FAM135B: variants seen among roughly 807,000 people sequenced by gnomAD.
The protein encoded by FAM135B is protein FAM135B.
FAM135B carries 43 observed loss-of-function variants against 127.7 expected under a neutral mutation model. That is an observed-to-expected ratio of 0.34 (90% confidence interval 0.26 to 0.43). The LOEUF is 0.43. FAM135B is among the 20% of genes least tolerant of loss of function. The pLI is 1.00. For synonymous variants in FAM135B, 670 were observed against 665.1 expected (o/e 1.01, Z -0.11); for missense variants, 1,558 against 1,725.6 (o/e 0.90, Z 1.72).
chr8:138,400,410 T>C (rs1399826949), intron 1 of FAM135B, among the ~76,000 whole-genome samples: 3 of 152,202 alleles, frequency 2.0e-5, no homozygotes, highest in South Asian at 2.1e-4. Context: ...GACTGGGTGA[T>C]AGACTTGAAG....
chr8:138,141,422 CATCAGGGGCCATTGTT>C lies in FAM135B; in HGVS notation c.3639-89_3639-74del, dbSNP rs1350148419. 7 of 1,459,508 alleles carry C rather than the reference CATCAGGGGCCATTGTT, an allele frequency of 4.8e-6. No individual in the cohort carries two copies. In the Admixed American group the frequency reaches 1.0e-4, roughly 22 times the overall value. 90.4% of individuals were successfully genotyped at this position (1,459,508 alleles called of 1,614,324 possible). A position where few individuals can be genotyped will look rare whatever the true frequency, so the allele number is the denominator to read the frequency against. On this transcript the variant is annotated intron_variant, in intron 16 of 19. Coordinates refer to ENST00000395297, the MANE Select transcript of FAM135B (RefSeq NM_015912.4). This position sits in a 1 kb window ranked among gnomAD's most constrained non-coding sequence, Gnocchi z 4.7. ...CTGCCCAAGAGTGCAGTGCTGGAAG[CATCAGGGGCCATTGTT>C]CTCCACCTCCCACTGAATGTAGGGG...
chr8:138,292,059 A>G (rs1327401010), intron 3 of FAM135B, among the ~76,000 whole-genome samples: 3 of 152,172 alleles, frequency 2.0e-5, no homozygotes, highest in African/African-American at 7.2e-5. Flanking sequence ...ATGAATAAAA[A>G]AATTTAGTAA....
At chr8:138,491,836 C>T (rs1815213260) in intron 1 of FAM135B, among the ~76,000 whole-genome samples, 1 of 152,140 alleles carries the variant, frequency 6.6e-6, no homozygotes, top group Non-Finnish European at 1.5e-5. Context: ...GTAGGGACAC[C>T]CAGTGATTAC....
chr8:138,297,964 G>A (rs1166464840), intron 3 of FAM135B, among the ~76,000 whole-genome samples: 8 of 152,130 alleles, frequency 5.3e-5, no homozygotes, highest in Non-Finnish European at 8.8e-5. Flanking sequence ...GCACAGAAGG[G>A]AACAAACAAC....
At chr8:138,385,642 G>A (rs372983433) in intron 1 of FAM135B, among the ~76,000 whole-genome samples, 3 of 151,740 alleles carry the variant, frequency 2.0e-5, no homozygotes, top group African/African-American at 7.3e-5. Context: ...GAAACACTGT[G>A]TCTACTAAAA....
intron 12 of FAM135B, among the ~76,000 whole-genome samples, chr8:138,155,548 C>T (rs2130811739): frequency 6.6e-6 from 1 of 152,182 alleles, no homozygotes; most frequent in East Asian, 1.9e-4. Flanking sequence ...ATTCAGGAGA[C>T]CCATCTCATG....
chr8:138,310,946 G>T, intron 2 of FAM135B, 26 bp from the exon 3 acceptor site: 1 of 1,581,002 alleles, frequency 6.3e-7, no homozygotes, highest in Non-Finnish European at 8.6e-7. Flanking sequence ...AGGACAGGGT[G>T]CTGAAGATCA....
At chr8:138,290,505 G>A (rs1331945191) in intron 3 of FAM135B, among the ~76,000 whole-genome samples, 1 of 152,042 alleles carries the variant, frequency 6.6e-6, no homozygotes, top group Non-Finnish European at 1.5e-5. Flanking sequence ...TGTGTGTTTT[G>A]TTTGCTTGAA....
intron 3 of FAM135B, among the ~76,000 whole-genome samples, chr8:138,307,827 G>T (rs1467840886): frequency 2.6e-5 from 4 of 150,966 alleles, no homozygotes; most frequent in Non-Finnish European, 5.9e-5. Flanking sequence ...GAGTATCAAA[G>T]ACATCATTAA....
intron 7 of FAM135B, among the ~76,000 whole-genome samples, chr8:138,202,785 C>T (rs1306858699): frequency 6.0e-5 from 4 of 67,118 alleles, no homozygotes; most frequent in African/African-American, 2.8e-4. Flanking sequence ...TTGATGGCCT[C>T]GGTGAACGTG....
At chr8:138,246,375 T>C (rs1821288597) in intron 6 of FAM135B, among the ~76,000 whole-genome samples, 1 of 152,152 alleles carries the variant, frequency 6.6e-6, no homozygotes, top group Admixed American at 6.5e-5. Flanking sequence ...CAGGGCCCCC[T>C]TGCTGTGCAC....
intron 2 of FAM135B, among the ~76,000 whole-genome samples, chr8:138,357,627 A>G (rs764569289): frequency 1.2e-4 from 18 of 152,158 alleles, no homozygotes; most frequent in Non-Finnish European, 2.5e-4. Context: ...CTAAAGGAAT[A>G]CATTTAAAAC....
rs1262606160 is a variant in FAM135B, at chr8:138,242,593, C to G, written c.669+349G>C. On this transcript the variant is annotated intron_variant, in intron 7 of 19. Coordinates refer to ENST00000395297, the MANE Select transcript of FAM135B (RefSeq NM_015912.4). The surrounding 1 kb of genome is among the most constrained non-coding windows in gnomAD (Gnocchi z 9.6). ...GAGAGTGCACAAATGAAAGCGGGAG[C>G]CAGGTTTTGAAACCAGACATGGCCT... Among the ~76,000 whole-genome samples, 1 of 152,224 alleles carries G rather than the reference C, an allele frequency of 6.6e-6. No homozygotes were observed. The highest frequency in any genetic ancestry group is 2.4e-5 in the African/African-American group (1 of 41,532).
chr8:138,462,152 A>T (rs1049712246), intron 1 of FAM135B, among the ~76,000 whole-genome samples: 2 of 152,196 alleles, frequency 1.3e-5, no homozygotes, highest in Non-Finnish European at 2.9e-5. Context: ...TTGCATATCT[A>T]TGTAATATGT....
intron 1 of FAM135B, among the ~76,000 whole-genome samples, chr8:138,476,141 A>G (rs1024748102): frequency 3.3e-5 from 5 of 152,212 alleles, no homozygotes; most frequent in African/African-American, 9.6e-5. Flanking sequence ...GATTCTAACT[A>G]TATAATATTT....
intron 2 of FAM135B, among the ~76,000 whole-genome samples, chr8:138,352,563 C>T (rs1203845435): frequency 6.6e-6 from 1 of 152,184 alleles, no homozygotes; most frequent in Non-Finnish European, 1.5e-5. Flanking sequence ...CTTTCACTCT[C>T]CCTGACCCTC....
chr8:138,197,751 G>A (rs893594109), intron 7 of FAM135B, 82 bp from the exon 8 acceptor site: 21 of 1,443,082 alleles, frequency 1.5e-5, no homozygotes, highest in South Asian at 6.4e-5. Flanking sequence ...CCATCCACCC[G>A]CACCAACATT....
chr8:138,397,806 G>C (rs535489154), intron 1 of FAM135B, among the ~76,000 whole-genome samples: 1 of 151,988 alleles, frequency 6.6e-6, no homozygotes, highest in Non-Finnish European at 1.5e-5. Context: ...GCTCATGTTC[G>C]GGTCCTCCAG....
chr8:138,228,895 G>C (rs1402457620), intron 7 of FAM135B, among the ~76,000 whole-genome samples: 1 of 152,162 alleles, frequency 6.6e-6, no homozygotes, highest in East Asian at 1.9e-4. Context: ...TTCAGACTGG[G>C]GACAGAGAAG....
Sources: allele counts gnomAD v4.1 joint callset (sites outside exome capture counted in the v4.1 genomes callset), GRCh38; gene constraint gnomAD v4.1.1; non-coding constraint Gnocchi (gnomAD v3.1); transcripts MANE v1.5; gene names NCBI Gene and HGNC (gene_info 2026-07-23, HGNC 2026-07-21).